The following HHLA2 variants were observed in gnomAD, a reference collection of about 807,000 sequenced individuals.
HHLA2 encodes the protein HHLA2 member of B7 family, also known as HERV-H LTR-associating protein 2.
In HHLA2, 48 loss-of-function variants were observed where a neutral mutation model predicts 45.9. That is an observed-to-expected ratio of 1.05 (90% CI 0.83 to 1.33). The LOEUF (loss-of-function observed/expected upper bound fraction) is 1.33. HHLA2 is among the 40% of genes most tolerant of loss of function. The pLI is 0.00. For synonymous variants in HHLA2, 161 were observed against 173.9 expected, an observed-to-expected ratio of 0.93 and a Z score of 0.59; for missense variants, 462 against 494.3, an observed-to-expected ratio of 0.93 and a Z score of 0.62.
At chr3:108,333,598 C>CAAAAAAAA (rs5851586) in intron 3 of HHLA2, among the ~76,000 whole-genome samples, 2 of 108,280 alleles carry the variant, frequency 1.8e-5, no homozygotes, top group Non-Finnish European at 3.8e-5. Context: ...TCTCAGTAAC[C>CAAAAAAAA]AAAAAAAAAA....
chr3:108,374,931 G>A (rs1189764860), intron 8 of HHLA2, among the ~76,000 whole-genome samples: 76 of 147,892 alleles, frequency 5.1e-4, no homozygotes, highest in African/African-American at 1.6e-3. Flanking sequence ...GCGATTCCTC[G>A]GGGATCTAGA....
intron 3 of HHLA2, among the ~76,000 whole-genome samples, chr3:108,334,107 G>T (rs922129382): frequency 1.3e-5 from 2 of 152,190 alleles, no homozygotes; most frequent in African/African-American, 4.8e-5. Flanking sequence ...TTCTAAATGA[G>T]CAGAGTTAGG....
At chr3:108,310,210 A>T (rs62266179) in intron 1 of HHLA2, among the ~76,000 whole-genome samples, 10,313 of 152,206 alleles carry the variant, frequency 0.068, 485 homozygotes, top group Non-Finnish European at 0.092. Context: ...CCAGAGAGAA[A>T]TTAGGCTAAA....
chr3:108,304,114 A>G (rs1292860221), intron 1 of HHLA2, among the ~76,000 whole-genome samples: 5 of 152,112 alleles, frequency 3.3e-5, no homozygotes, highest in Non-Finnish European at 7.4e-5. Flanking sequence ...TCTCTGTTCA[A>G]TGTATCATTG....
chr3:108,331,878 C>T lies in HHLA2; in HGVS notation c.-27+3531C>T, dbSNP rs187100532. On this transcript the variant is annotated intron_variant, in intron 3 of 10. Coordinates refer to ENST00000619531, the Ensembl canonical transcript of HHLA2. The stretch of plus-strand genomic sequence containing the variant: ...CCTCCCCATTCTACCTTGATGAAAA[C>T]AATCATGAAATTTTAAAACACTCTC... Among the ~76,000 whole-genome samples the T allele has an allele frequency of 2.4e-3, 359 of 152,184 alleles. 3 individuals carry two copies. The highest frequency in any genetic ancestry group is 1.5e-3 in the South Asian group (7 of 4,822).
intron 1 of HHLA2, among the ~76,000 whole-genome samples, chr3:108,304,386 C>T (rs1043366321): frequency 1.3e-5 from 2 of 152,094 alleles, no homozygotes; most frequent in African/African-American, 4.8e-5. Context: ...GGGGAGAATC[C>T]TTCCTTGTTC....
chr3:108,328,390 C>T (rs940407778), intron 3 of HHLA2: 33 of 1,339,200 alleles, frequency 2.5e-5, no homozygotes, highest in Admixed American at 1.3e-4. Context: ...ATTATCTGTG[C>T]AGCTATTTAT....
At chr3:108,301,023 CTTCCTTTCACT>C (rs2080839620) in intron 1 of HHLA2, among the ~76,000 whole-genome samples, 1 of 152,070 alleles carries the variant, frequency 6.6e-6, no homozygotes, top group South Asian at 2.1e-4. Context: ...GAAATTTTCT[CTTCCTTTCACT>C]GGAAAGGAAG....
chr3:108,301,606 T>C (rs572601023), intron 1 of HHLA2, among the ~76,000 whole-genome samples: 241 of 152,138 alleles, frequency 1.6e-3, no homozygotes, highest in Non-Finnish European at 2.9e-3. Context: ...TTTTCTTCCG[T>C]AGGCTAATTT....
chr3:108,330,587 CT>C (rs1313703872), intron 3 of HHLA2, among the ~76,000 whole-genome samples: 1 of 152,146 alleles, frequency 6.6e-6, no homozygotes, highest in Non-Finnish European at 1.5e-5. Context: ...GCAGTGGCCC[CT>C]GATGGCCTTG....
intron 2 of HHLA2, among the ~76,000 whole-genome samples, chr3:108,320,223 C>A (rs2081176020): frequency 6.6e-6 from 1 of 152,160 alleles, no homozygotes; most frequent in Admixed American, 6.6e-5. Context: ...GCCAAGAAGT[C>A]AGCCAGGAAG....
At chr3:108,318,805 C>T (rs1246901822) in intron 2 of HHLA2, among the ~76,000 whole-genome samples, 1 of 152,200 alleles carries the variant, frequency 6.6e-6, no homozygotes, top group African/African-American at 2.4e-5. Context: ...TTTAGATCAG[C>T]TTTACTTCCA....
At chr3:108,324,051 A>G (rs966933945) in intron 2 of HHLA2, among the ~76,000 whole-genome samples, 18 of 152,236 alleles carry the variant, frequency 1.2e-4, no homozygotes, top group African/African-American at 2.9e-4. Context: ...TTAGAAAACA[A>G]TGATTTCATC....
intron 2 of HHLA2, among the ~76,000 whole-genome samples, chr3:108,321,180 C>T (rs767255307): frequency 6.6e-5 from 10 of 150,918 alleles, no homozygotes; most frequent in Admixed American, 6.6e-5. Flanking sequence ...ACTCACTCCT[C>T]TCCAGTCTGG....
chr3:108,335,813 T>C (rs1278191536), intron 3 of HHLA2, among the ~76,000 whole-genome samples: 2 of 152,120 alleles, frequency 1.3e-5, no homozygotes, highest in Non-Finnish European at 2.9e-5. Context: ...AAAGTAGTGA[T>C]AGGGGCTTTG....
At chr3:108,339,338 G>A (rs62266212) in intron 3 of HHLA2, among the ~76,000 whole-genome samples, 6,015 of 152,282 alleles carry the variant, frequency 0.039, 175 homozygotes, top group Non-Finnish European at 0.052. Flanking sequence ...GGGTGGTGCT[G>A]TGACCTGTGA....
At chr3:108,308,453 T>G (rs1004628683) in intron 1 of HHLA2, among the ~76,000 whole-genome samples, 2 of 152,264 alleles carry the variant, frequency 1.3e-5, no homozygotes, top group African/African-American at 4.8e-5. Context: ...TTAGCTATTA[T>G]GAGCAGTGCT....
intron 8 of HHLA2, 59 bp from the exon 8 acceptor site, chr3:108,375,691 A>C (rs1285101598): frequency 1.2e-5 from 19 of 1,577,018 alleles, no homozygotes; most frequent in Admixed American, 1.8e-5. Context: ...GTGACCTTAC[A>C]GGGAAACAGC....
At chr3:108,308,639 A>G (rs368536739) in intron 1 of HHLA2, among the ~76,000 whole-genome samples, 6 of 152,208 alleles carry the variant, frequency 3.9e-5, no homozygotes, top group African/African-American at 1.2e-4. Flanking sequence ...ACAAGGTATG[A>G]GCATTCCCTT....
Sources: gnomAD v4.1 joint callset for allele counts (sites outside exome capture counted in the v4.1 genomes callset) on GRCh38, gnomAD v4.1.1 for gene constraint, MANE v1.5 for transcripts, NCBI Gene and HGNC (gene_info 2026-07-23, HGNC 2026-07-21) for gene names.